PSTPIP2: variants seen among roughly 807,000 people sequenced by gnomAD.
PSTPIP2 encodes proline-serine-threonine phosphatase-interacting protein 2.
A neutral mutation model predicts 63.3 loss-of-function variants in PSTPIP2; 33 were observed. That is an observed-to-expected ratio of 0.52 (90% confidence interval 0.40 to 0.70). The LOEUF is 0.70. PSTPIP2 is among the 30% of genes least tolerant of loss of function. The pLI, the probability that PSTPIP2 is intolerant of heterozygous loss-of-function variation, is 0.00. For missense variants in PSTPIP2, 312 were observed against 400.7 expected, an observed-to-expected ratio of 0.78 and a Z score of 1.89; for synonymous variants, 125 against 132.7, an observed-to-expected ratio of 0.94 and a Z score of 0.40.
At position 46,028,845 on chromosome 18, in the gene PSTPIP2, T is replaced by G. The variant is rs946907621; in HGVS notation, c.135-4159A>C. The G allele has an allele frequency of 3.2e-6, 5 of 1,583,584 alleles. No homozygotes were observed. In the African/African-American group the frequency reaches 6.7e-5, roughly 21 times the overall value. On this transcript the variant is annotated intron_variant, in intron 2 of 14. Coordinates refer to ENST00000409746, the MANE Select transcript of PSTPIP2 (RefSeq NM_024430.4). ...CTTCAGATGATGAAAGTGAAGAGGA[T>G]GAAGATGCTTTGTTGCAAAGGACTG...
chr18:46,018,612 G>C (rs4890310), intron 3 of PSTPIP2, among the ~76,000 whole-genome samples: 38,488 of 151,968 alleles, frequency 0.25, 6,011 homozygotes, highest in African/African-American at 0.41. Context: ...CAAGTGAGCT[G>C]CCCGCCTTGG....
Position 46,006,360 on chromosome 18 carries a change from C to CTTT in PSTPIP2, c.355-832_355-830dup, listed in dbSNP as rs756384731. ...TGAGCCACCATGCCCAGCCCTGGTA[C>CTTT]TTTTTTTTTTTTTTTTTTTTTTTTT... On this transcript the variant is annotated intron_variant, in intron 5 of 14. Coordinates refer to ENST00000409746, the MANE Select transcript of PSTPIP2 (RefSeq NM_024430.4). Among the ~76,000 whole-genome samples the CTTT allele has an allele frequency of 2.7e-3, 312 of 115,618 alleles. 58 individuals carry two copies. The highest frequency in any genetic ancestry group is 4.4e-3 in the Middle Eastern group (1 of 228). 75.8% of individuals were successfully genotyped at this position (115,618 alleles called of 152,430 possible).
chr18:46,052,212 G>T (rs957545726), intron 1 of PSTPIP2, among the ~76,000 whole-genome samples: 1 of 152,184 alleles, frequency 6.6e-6, no homozygotes, highest in Non-Finnish European at 1.5e-5. Context: ...CTTGAACTAG[G>T]TCAAACCCAG....
At chr18:46,012,557 G>A (rs1235744497) in intron 4 of PSTPIP2, among the ~76,000 whole-genome samples, 5 of 152,130 alleles carry the variant, frequency 3.3e-5, no homozygotes, top group Admixed American at 6.6e-5. Flanking sequence ...GGTGTATCAC[G>A]AGGTCAAGTG....
At chr18:46,016,169 A>G (rs1182953500) in intron 3 of PSTPIP2, 1 of 511,612 alleles carries the variant, frequency 2.0e-6, no homozygotes. Context: ...ACATGCCAAA[A>G]CTCTTTGTGT....
At chr18:46,029,675 C>A in intron 2 of PSTPIP2, 1 of 714,158 alleles carries the variant, frequency 1.4e-6, no homozygotes, top group Non-Finnish European at 2.6e-6. Flanking sequence ...GCAATTGCTT[C>A]AGGAAAAATG....
chr18:46,010,519 A>G (rs1279814591), intron 5 of PSTPIP2, among the ~76,000 whole-genome samples: 1 of 152,234 alleles, frequency 6.6e-6, no homozygotes, highest in Non-Finnish European at 1.5e-5. Flanking sequence ...GGAACAAAAT[A>G]GAAGAGAACA....
intron 1 of PSTPIP2, among the ~76,000 whole-genome samples, chr18:46,053,011 A>C (rs1362727188): frequency 6.6e-6 from 1 of 152,198 alleles, no homozygotes; most frequent in Non-Finnish European, 1.5e-5. Context: ...TCTTCATATG[A>C]ACAAAAATAC....
chr18:46,044,326 C>A (rs1263555707), intron 1 of PSTPIP2, among the ~76,000 whole-genome samples: 1 of 152,132 alleles, frequency 6.6e-6, no homozygotes, highest in Non-Finnish European at 1.5e-5. Context: ...ATCAACGGAA[C>A]AGAACAGAGC....
At chr18:46,038,930 A>T (rs1197563454) in intron 2 of PSTPIP2, among the ~76,000 whole-genome samples, 1 of 151,866 alleles carries the variant, frequency 6.6e-6, no homozygotes, top group East Asian at 1.9e-4. Flanking sequence ...TGAGGTCGAG[A>T]GTTTGAGACC....
At chr18:46,014,373 A>C (rs565587237) in intron 4 of PSTPIP2, among the ~76,000 whole-genome samples, 1 of 152,226 alleles carries the variant, frequency 6.6e-6, no homozygotes, top group African/African-American at 2.4e-5. Flanking sequence ...GAAAAGAATA[A>C]ATAAATAAGA....
rs655798 is a variant in PSTPIP2, at chr18:46,008,603, A to G, written c.354+2578T>C. Among the ~76,000 whole-genome samples, 827 of 152,176 alleles carry G rather than the reference A, an allele frequency of 5.4e-3. 7 individuals carry two copies. The highest frequency in any genetic ancestry group is 0.012 in the African/African-American group (513 of 41,544). ...ATTAGAGTCGTGAGCCACCTTGCCC[A>G]GCCTTAAGCTGTATTCTAAAAACTG... On this transcript the variant is annotated intron_variant, in intron 5 of 14. Coordinates refer to ENST00000409746, the MANE Select transcript of PSTPIP2 (RefSeq NM_024430.4).
At chr18:46,004,657 TC>T (rs1371888101) in intron 6 of PSTPIP2, among the ~76,000 whole-genome samples, 1 of 152,214 alleles carries the variant, frequency 6.6e-6, no homozygotes, top group Non-Finnish European at 1.5e-5. Flanking sequence ...TGCTATATTT[TC>T]TCGGGTTACC....
At position 45,994,037 on chromosome 18, in the gene PSTPIP2, G is replaced by A. The variant is rs1385499960; in HGVS notation, c.643-334C>T. ...ACCTGAGCAGCCTGCCAGAGCCTCAGATTCAAAATGCTGCCCCTCCCACCC... is the reference window on the plus strand; with the variant it reads ...ACCTGAGCAGCCTGCCAGAGCCTCAAATTCAAAATGCTGCCCCTCCCACCC... On this transcript the variant is annotated intron_variant, in intron 9 of 14. Coordinates refer to ENST00000409746, the MANE Select transcript of PSTPIP2 (RefSeq NM_024430.4). 3.3e-5 allele frequency: 11 copies of A among 330,530 alleles called. No individual in the cohort carries two copies. The East Asian group carries it at 4.5e-4, about 14-fold the overall frequency. The allele number at this position is 330,530 out of a possible 1,614,324, so 20.5% of individuals were successfully genotyped here.
chr18:46,013,644 G>T (rs898111239), intron 4 of PSTPIP2, among the ~76,000 whole-genome samples: 1 of 152,004 alleles, frequency 6.6e-6, no homozygotes, highest in South Asian at 2.1e-4. Context: ...CCACAAAGTG[G>T]AAATGAGAAC....
chr18:46,053,057 C>T (rs1908637332), intron 1 of PSTPIP2, among the ~76,000 whole-genome samples: 2 of 152,168 alleles, frequency 1.3e-5, no homozygotes, highest in Non-Finnish European at 2.9e-5. Context: ...GTTTACACAT[C>T]AGACTGATTA....
At chr18:45,985,522 T>C in intron 14 of PSTPIP2, 72 bp from the exon 15 acceptor site, 1 of 1,517,056 alleles carries the variant, frequency 6.6e-7, no homozygotes, top group South Asian at 1.1e-5. Context: ...ACCTTGAGAG[T>C]ATATTCAACA....
At chr18:46,001,098 G>A (rs1676571868) in intron 6 of PSTPIP2, among the ~76,000 whole-genome samples, 1 of 152,118 alleles carries the variant, frequency 6.6e-6, no homozygotes, top group South Asian at 2.1e-4. Flanking sequence ...CCTTTCCTTT[G>A]GATAAATACC....
At chr18:46,041,149 T>C in intron 1 of PSTPIP2, 2 of 437,980 alleles carry the variant, frequency 4.6e-6, no homozygotes, top group Non-Finnish European at 9.2e-6. Context: ...GATTCAGGAG[T>C]GGGAGAATGG....
Sources: allele counts gnomAD v4.1 joint callset (sites outside exome capture counted in the v4.1 genomes callset), GRCh38; gene constraint gnomAD v4.1.1; transcripts MANE v1.5; gene names NCBI Gene and HGNC (gene_info 2026-07-23, HGNC 2026-07-21).